MYOM1: variants seen among roughly 807,000 people sequenced by gnomAD.
MYOM1 encodes myomesin-1.
MYOM1 carries 164 observed loss-of-function variants against 205.3 expected under a neutral mutation model. The ratio of observed to expected loss-of-function variants is 0.80; its 90% CI spans 0.70 to 0.91. The LOEUF (loss-of-function observed/expected upper bound fraction) is 0.91, where lower values mean the gene tolerates loss of function less well. Among genes scored for constraint, MYOM1 ranks in the 40% least tolerant of loss-of-function variants. The pLI is 0.00. For synonymous variants in MYOM1, 772 were observed against 789.4 expected (o/e 0.98, Z 0.37); for missense variants, 2,011 against 2,127.3 (o/e 0.95, Z 1.08).
the MYOM1 span, among the ~76,000 whole-genome samples, chr18:3,237,598 C>CAAA: frequency 3.2e-4 from 17 of 53,596 alleles, no homozygotes; most frequent in Middle Eastern, 0.012. Flanking sequence ...GACTCCGTCT[C>CAAA]AAAAAAAAAA....
At chr18:3,118,355 T>G (rs2079635756) in intron 20 of MYOM1, among the ~76,000 whole-genome samples, 1 of 151,308 alleles carries the variant, frequency 6.6e-6, no homozygotes, top group South Asian at 2.1e-4. Context: ...TGCATCACTT[T>G]TTTTTAAAGA....
intron 14 of MYOM1, among the ~76,000 whole-genome samples, chr18:3,136,985 G>T (rs1189332018): frequency 6.8e-6 from 1 of 146,774 alleles, no homozygotes; most frequent in African/African-American, 2.5e-5. Context: ...GAGTCTCGCT[G>T]GGTCGCCCAG....
chr18:3,134,689 T>A lies in MYOM1; in HGVS notation c.2345A>T (p.Lys782Met). ...GGGGTTGTTGTTACAGGGCTCCCAC[T>A]TGCCAGAGCCAGCAACGCTCGCCTC... ...YIEASVAGSG[K>M]WEPCNNNPVK... Residue 782 changes from lysine (K) to methionine (M), a missense_variant, in exon 16 of 38, where the codon AAG becomes ATG. Lys to Met is a moderately conservative substitution (Grantham distance 95, BLOSUM62 -1). Coordinates refer to ENST00000356443, the MANE Select transcript of MYOM1 (RefSeq NM_003803.4). 6.2e-7 allele frequency: 1 copy of A among 1,613,870 alleles called. No homozygotes were observed. The highest frequency in any genetic ancestry group is 8.5e-7 in the Non-Finnish European group (1 of 1,179,814).
intron 34 of MYOM1, among the ~76,000 whole-genome samples, chr18:3,077,944 G>C (rs907123672): frequency 4.6e-5 from 7 of 152,062 alleles, no homozygotes; most frequent in African/African-American, 1.7e-4. Flanking sequence ...AGGGGATTCA[G>C]CACCAAAAAC....
intron 29 of MYOM1, 56 bp downstream of exon 29, chr18:3,089,115 TCTC>T: frequency 6.9e-6 from 9 of 1,306,066 alleles, no homozygotes; most frequent in Non-Finnish European, 8.6e-6. Context: ...AGCTTCCTCT[TCTC>T]TACATTCTAT....
intron 17 of MYOM1, 137 bp from the exon 18 acceptor site, chr18:3,129,656 C>T (rs2079847891): frequency 1.2e-6 from 1 of 847,286 alleles, no homozygotes; most frequent in Non-Finnish European, 1.7e-6. Flanking sequence ...AAATCGCTCA[C>T]ATTTGCAAGA....
In MYOM1 at chr18:3,155,185, T is replaced by G; in HGVS notation, c.1502-97A>C. On this transcript the variant is annotated intron_variant, in intron 10 of 37. Transcript: ENST00000356443. The stretch of plus-strand genomic sequence containing the variant: ...CACGCTTCTTACCACATCATCACAG[T>G]GGCTCAATCTTTGGCCCCAACGCAG... The G allele has an allele frequency of 2.4e-6, 3 of 1,238,596 alleles. No homozygotes were observed. In the South Asian group the frequency reaches 5.7e-5, roughly 24 times the overall value. The allele number at this position is 1,238,596 out of a possible 1,614,324, so 76.7% of individuals were successfully genotyped here. A position where few individuals can be genotyped will look rare whatever the true frequency, so the allele number is the denominator to read the frequency against.
At chr18:3,092,227 C>T (rs1466089656) in intron 26 of MYOM1, among the ~76,000 whole-genome samples, 2 of 150,352 alleles carry the variant, frequency 1.3e-5, no homozygotes, top group East Asian at 2.0e-4. Flanking sequence ...GATAGGGTCT[C>T]GCTCTGATGC....
intron 2 of MYOM1, among the ~76,000 whole-genome samples, chr18:3,197,747 C>T (rs532855237): frequency 2.0e-5 from 3 of 151,980 alleles, no homozygotes; most frequent in African/African-American, 2.4e-5. Context: ...GTGGCAGGCG[C>T]CTGTGGTCCC....
intron 2 of MYOM1, among the ~76,000 whole-genome samples, chr18:3,207,970 T>A (rs1476789960): frequency 1.3e-5 from 2 of 152,150 alleles, no homozygotes; most frequent in African/African-American, 2.4e-5. Context: ...CACATCTTTC[T>A]GGGCCTCAGT....
At chr18:3,188,132 C>T (rs952887796) in intron 4 of MYOM1, among the ~76,000 whole-genome samples, 1 of 152,096 alleles carries the variant, frequency 6.6e-6, no homozygotes, top group Non-Finnish European at 1.5e-5. Context: ...TGAGCCGCCA[C>T]ACCTGATCAT....
Position 3,154,975 on chromosome 18 carries a change from T to C in MYOM1, c.1615A>G (p.Ser539Gly), listed in dbSNP as rs1238324252. 3.7e-6 allele frequency: 6 copies of C among 1,612,500 alleles called. No homozygotes were observed. The highest frequency in any genetic ancestry group is 1.7e-5 in the Admixed American group (1 of 59,814). The change falls in exon 11 of 38, where the codon AGT (serine) becomes GGT (glycine). Residue 539 changes from serine to glycine, a missense_variant. By Grantham distance (56) the Ser-to-Gly change is moderately conservative (BLOSUM62 0). Transcript: ENST00000356443. ...SWKQPAVDGG[S>G]PILGYFIDKC... ...TCAATAAAATATCCGAGAATAGGAC[T>C]CCCTCCATCGACAGCTGGCTGTTTC...
At chr18:3,129,702 A>C in intron 17 of MYOM1, 183 bp from the exon 18 acceptor site, 5 of 530,488 alleles carry the variant, frequency 9.4e-6, no homozygotes, top group Non-Finnish European at 1.3e-5. Flanking sequence ...AATATACGCC[A>C]AGGAACATTT....
chr18:3,162,814 A>T (rs1229235660), intron 10 of MYOM1, among the ~76,000 whole-genome samples: 1 of 152,160 alleles, frequency 6.6e-6, no homozygotes, highest in Non-Finnish European at 1.5e-5. Context: ...TCACGAGGTC[A>T]GGAGATCGAG....
At position 3,155,024 on chromosome 18, in the gene MYOM1, G is replaced by A; in HGVS notation, c.1566C>T (p.Asn522=). 6.2e-7 allele frequency: 1 copy of A among 1,613,448 alleles called. No homozygotes were observed. Among genetic ancestry groups the A allele is most frequent in the Non-Finnish European group, 8.5e-7 (1 of 1,179,654 alleles). ...APLDVKCLEA[N]KDYIIISWKQ... Reference sequence around the variant, plus strand: ...TCCAGGAGATGATGATATAATCTTTGTTGGCCTCCAAGCACTTCACATCCA... The same window carrying A: ...TCCAGGAGATGATGATATAATCTTTATTGGCCTCCAAGCACTTCACATCCA... Residue 522 remains asparagine, a synonymous_variant, in exon 11 of 38, where the codon AAC becomes AAT. Coordinates refer to ENST00000356443, the MANE Select transcript of MYOM1 (RefSeq NM_003803.4).
chr18:3,159,351 G>A (rs1012031534), intron 10 of MYOM1, among the ~76,000 whole-genome samples: 2 of 152,170 alleles, frequency 1.3e-5, no homozygotes, highest in Admixed American at 1.3e-4. Context: ...TTTCTAAGCT[G>A]TAAGAATATC....
chr18:3,232,670 A>G, the MYOM1 span, among the ~76,000 whole-genome samples: 2 of 152,238 alleles, frequency 1.3e-5, no homozygotes, highest in African/African-American at 4.8e-5. Flanking sequence ...CTTCTTCCCA[A>G]CAAGGATACT....
chr18:3,114,814 AAG>A (rs2079582142), intron 21 of MYOM1, among the ~76,000 whole-genome samples: 1 of 152,112 alleles, frequency 6.6e-6, no homozygotes, highest in Non-Finnish European at 1.5e-5. Flanking sequence ...CTCCTTACGG[AAG>A]TTCACTTCCA....
chr18:3,126,902 A>G lies in MYOM1; in HGVS notation c.2795-5T>C, dbSNP rs2079795265. 2 of 1,603,544 alleles carry G rather than the reference A, an allele frequency of 1.2e-6. No individual in the cohort carries two copies. The highest frequency in any genetic ancestry group is 1.3e-5 in the African/African-American group (1 of 74,776). On this transcript the variant is annotated splice_region_variant and splice_polypyrimidine_tract_variant and intron_variant, in intron 18 of 37. Coordinates refer to ENST00000356443, the MANE Select transcript of MYOM1 (RefSeq NM_003803.4). ...CACAGGGTGGAGATGGTGGTGCTGT[A>G]GCAATATGAATAGCTTGTGAGTAGG...
Sources: allele counts gnomAD v4.1 joint callset (sites outside exome capture counted in the v4.1 genomes callset), GRCh38; gene constraint gnomAD v4.1.1; transcripts MANE v1.5; gene names NCBI Gene and HGNC (gene_info 2026-07-23, HGNC 2026-07-21).